The following ALDH7A1 variants were observed in gnomAD, a reference collection of about 807,000 sequenced individuals.
ALDH7A1 encodes alpha-aminoadipic semialdehyde dehydrogenase.
Under a neutral mutation model 79.9 loss-of-function variants are expected in ALDH7A1, and 63 were observed. That is an observed-to-expected ratio of 0.79 (90% CI 0.64 to 0.97). ALDH7A1 has a LOEUF of 0.97. Ranked by LOEUF, ALDH7A1 falls within the 50% of genes least tolerant of loss-of-function variation. The pLI, the probability that ALDH7A1 is intolerant of heterozygous loss-of-function variation, is 0.00. For missense variants in ALDH7A1, 627 were observed against 665.2 expected, an observed-to-expected ratio of 0.94 and a Z score of 0.63; for synonymous variants, 240 against 231.2, an observed-to-expected ratio of 1.04 and a Z score of -0.34.
At chr5:126,584,823 G>A (rs1751306255) in intron 3 of ALDH7A1, among the ~76,000 whole-genome samples, 1 of 152,026 alleles carries the variant, frequency 6.6e-6, no homozygotes, top group Non-Finnish European at 1.5e-5. Context: ...TAGGTAGGTA[G>A]ATGAAGTATA....
chr5:126,579,682 G>T (rs56227108), intron 5 of ALDH7A1, among the ~76,000 whole-genome samples: 16,913 of 152,090 alleles, frequency 0.11, 1,018 homozygotes, highest in African/African-American at 0.16. Context: ...TGTAAGCTAG[G>T]TGTGGTGGCT....
chr5:126,549,710 GC>G (rs1749922863), intron 16 of ALDH7A1: 10 of 555,308 alleles, frequency 1.8e-5, no homozygotes, highest in Admixed American at 3.2e-5. Context: ...CAAGTTAAGG[GC>G]CTCTGCTCTA....
intron 12 of ALDH7A1, chr5:126,554,862 T>C (rs1488439556): frequency 1.1e-5 from 3 of 261,538 alleles, no homozygotes. Context: ...TGCTGTCCTA[T>C]GTTACGGCTG....
chr5:126,561,400 G>A lies in ALDH7A1; in HGVS notation c.872-276C>T, dbSNP rs546978645. 5 of 238,856 alleles carry A rather than the reference G, an allele frequency of 2.1e-5. No individual in the cohort carries two copies. The East Asian group carries it at 2.7e-4, about 13-fold the overall frequency. The allele number at this position is 238,856 out of a possible 1,614,324, so 14.8% of individuals were successfully genotyped here. A position where few individuals can be genotyped will look rare whatever the true frequency, so the allele number is the denominator to read the frequency against. On this transcript the variant is annotated intron_variant, in intron 9 of 17. Coordinates refer to ENST00000409134, the MANE Select transcript of ALDH7A1 (RefSeq NM_001182.5). The stretch of plus-strand genomic sequence containing the variant: ...ATACAAGAAAATGTCCACATTCTTA[G>A]GAAACACACCAAAATATTTAGTAAT...
At chr5:126,591,508 T>C (rs1374247139) in intron 3 of ALDH7A1, among the ~76,000 whole-genome samples, 3 of 147,118 alleles carry the variant, frequency 2.0e-5, no homozygotes, top group African/African-American at 7.6e-5. Context: ...TGCAGCTCAG[T>C]AGTCCCTCAG....
chr5:126,593,495 GA>G (rs1183203175), intron 1 of ALDH7A1, 91 bp from the exon 2 acceptor site: 1 of 1,555,898 alleles, frequency 6.4e-7, no homozygotes, highest in Non-Finnish European at 8.8e-7. Flanking sequence ...AACAAGAGAG[GA>G]AAAAATGATA....
rs745357569 is a variant in ALDH7A1, at chr5:126,577,132, T to C, written c.597A>G (p.Ala199=). The part of the protein sequence containing the change: ...GIITAFNFPV[A]VYGWNNAIAM... ...CGATGGCGTTGTTCCAACCATACAC[T>C]GCCACAGGGAAATTGAATGCCGTGA... is the stretch of plus-strand genomic sequence containing the variant. The change falls in exon 6 of 18, where the codon GCA becomes GCG. Residue 199 remains alanine (A), a synonymous_variant. Transcript: ENST00000409134. 17 of 1,614,132 alleles carry C rather than the reference T, an allele frequency of 1.1e-5. No homozygotes were observed. Among genetic ancestry groups the C allele is most frequent in the Admixed American group, 3.3e-5 (2 of 60,008 alleles).
At chr5:126,574,023 C>CAAAAAAAAAAAA (rs34601459) in intron 7 of ALDH7A1, among the ~76,000 whole-genome samples, 3 of 57,240 alleles carry the variant, frequency 5.2e-5, no homozygotes, top group Non-Finnish European at 6.7e-5. Context: ...AAGACTGTCT[C>CAAAAAAAAAAAA]AAAAAAAAAA....
At chr5:126,562,667 G>A (rs1210972688) in intron 9 of ALDH7A1, among the ~76,000 whole-genome samples, 1 of 151,962 alleles carries the variant, frequency 6.6e-6, no homozygotes, top group Admixed American at 6.6e-5. Flanking sequence ...GGCCAACATG[G>A]TGAAACCCTG....
intron 13 of ALDH7A1, 49 bp downstream of exon 13, chr5:126,554,238 G>A (rs780071658): frequency 2.6e-6 from 4 of 1,546,364 alleles, no homozygotes; most frequent in African/African-American, 1.4e-5. Flanking sequence ...GTGTCTCAGG[G>A]AAAAGAAGGT....
chr5:126,588,555 CTAGATAAAT>C (rs1561670163), intron 3 of ALDH7A1: 1 of 152,032 alleles, frequency 6.6e-6, no homozygotes, highest in Non-Finnish European at 1.5e-5. Context: ...TGTATTTACC[CTAGATAAAT>C]AGACACATAC....
At chr5:126,579,527 A>G (rs910997313) in intron 5 of ALDH7A1, among the ~76,000 whole-genome samples, 4 of 152,198 alleles carry the variant, frequency 2.6e-5, no homozygotes, top group Admixed American at 2.6e-4. Context: ...GAGGACAGGG[A>G]CTATGCCTTA....
chr5:126,559,431 TTGG>T (rs779869566), intron 10 of ALDH7A1, 97 bp from the exon 11 acceptor site: 34 of 711,000 alleles, frequency 4.8e-5, no homozygotes, highest in Admixed American at 1.4e-4. Context: ...GTTTTTGGTT[TTGG>T]TTTTTTTTTT....
chr5:126,592,380 G>A (rs1218969775), intron 3 of ALDH7A1: 1 of 398,246 alleles, frequency 2.5e-6, no homozygotes, highest in Non-Finnish European at 4.5e-6. Context: ...TAATTTCAGT[G>A]AAGAATAGTG....
At chr5:126,552,164 A>T (rs2306619) in intron 13 of ALDH7A1, 27 bp from the exon 14 acceptor site, 1 of 1,584,378 alleles carries the variant, frequency 6.3e-7, no homozygotes, top group Non-Finnish European at 8.7e-7. Flanking sequence ...AAATAAAAAG[A>T]ATGAAAGCAT....
At chr5:126,568,158 G>A in intron 9 of ALDH7A1, 101 bp downstream of exon 9, 2 of 1,065,084 alleles carry the variant, frequency 1.9e-6, no homozygotes, top group Non-Finnish European at 2.9e-6. Flanking sequence ...CATGACCACT[G>A]CCTCCATGGA....
At chr5:126,562,575 C>T (rs978558651) in intron 9 of ALDH7A1, among the ~76,000 whole-genome samples, 2 of 151,916 alleles carry the variant, frequency 1.3e-5, no homozygotes, top group African/African-American at 2.4e-5. Flanking sequence ...TTGGGCCGGG[C>T]GTGGTGGCTC....
At chr5:126,594,603 C>A (rs769057820) in intron 1 of ALDH7A1, among the ~76,000 whole-genome samples, 28 of 151,908 alleles carry the variant, frequency 1.8e-4, no homozygotes, top group Non-Finnish European at 3.5e-4. Context: ...CGCCACCACG[C>A]CCGGCTATTT....
At chr5:126,584,951 T>A (rs141115217) in intron 3 of ALDH7A1, among the ~76,000 whole-genome samples, 1 of 152,280 alleles carries the variant, frequency 6.6e-6, no homozygotes, top group East Asian at 1.9e-4. Flanking sequence ...TCTCCAACTG[T>A]GACCATCACT....
Sources: gnomAD v4.1 joint callset for allele counts (sites outside exome capture counted in the v4.1 genomes callset) on GRCh38, gnomAD v4.1.1 for gene constraint, MANE v1.5 for transcripts, NCBI Gene and HGNC (gene_info 2026-07-23, HGNC 2026-07-21) for gene names.